The following CEP128 variants were observed in gnomAD, a reference collection of about 807,000 sequenced individuals.
CEP128 encodes the protein centrosomal protein 128kDa.
In CEP128, 132 loss-of-function variants were observed where a neutral mutation model predicts 156.7. The observed-to-expected ratio is 0.84, with a 90% CI of 0.73 to 0.97. The LOEUF is 0.97. Ranked by LOEUF, CEP128 falls within the 50% of genes least tolerant of loss-of-function variation. The probability of loss-of-function intolerance (pLI) is 0.00; values close to 1 mark genes in which losing one functional copy is unlikely to be tolerated. For missense variants in CEP128, 1,252 were observed against 1,281.9 expected (o/e 0.98, Z 0.36); for synonymous variants, 469 against 448.9 (o/e 1.04, Z -0.57).
At chr14:80,918,901 G>A (rs1356488192) in intron 2 of CEP128, among the ~76,000 whole-genome samples, 2 of 152,004 alleles carry the variant, frequency 1.3e-5, no homozygotes, top group African/African-American at 2.4e-5. Flanking sequence ...CAGATTAAGG[G>A]GTTTTTGTTT....
Position 80,840,754 on chromosome 14 carries a change from T to C in CEP128, c.777A>G (p.Gln259=). Residue 259 remains glutamine, a synonymous_variant, in exon 10 of 25, where the codon CAA becomes CAG. Coordinates refer to ENST00000555265, the MANE Select transcript of CEP128 (RefSeq NM_152446.5). ...CCTCATGCTCATCTGCTTTAGCTTCTTGTTTCTTTAGTGCCTGGAATGAAA... is the reference window on the plus strand; with the variant it reads ...CCTCATGCTCATCTGCTTTAGCTTCCTGTTTCTTTAGTGCCTGGAATGAAA... ...SLQLQEALKK[Q]EAKADEHEGA... 1.9e-6 allele frequency: 3 copies of C among 1,609,618 alleles called. No homozygotes were observed. In the African/African-American group the frequency reaches 4.0e-5, roughly 21 times the overall value.
intron 23 of CEP128, among the ~76,000 whole-genome samples, chr14:80,509,000 TAAGGACCTACTTCACATGGCACC>T (rs1340300193): frequency 6.6e-6 from 1 of 151,972 alleles, no homozygotes; most frequent in Non-Finnish European, 1.5e-5. Flanking sequence ...GAAGGGGAAG[TAAGGACCTACTTCACATGGCACC>T]AGGAGAGAGC....
chr14:80,771,485 C>T (rs1485251169), intron 16 of CEP128, among the ~76,000 whole-genome samples: 5 of 152,076 alleles, frequency 3.3e-5, no homozygotes, highest in Admixed American at 6.6e-5. Flanking sequence ...TATAAGAAAA[C>T]GATTTCAAGT....
At chr14:80,524,715 C>A (rs980675229) in intron 23 of CEP128, among the ~76,000 whole-genome samples, 1 of 152,162 alleles carries the variant, frequency 6.6e-6, no homozygotes, top group East Asian at 1.9e-4. Context: ...TATTTCAGAA[C>A]AGGAATCTGT....
intron 19 of CEP128, among the ~76,000 whole-genome samples, chr14:80,592,553 C>T (rs1030439845): frequency 6.6e-6 from 1 of 152,072 alleles, no homozygotes; most frequent in Non-Finnish European, 1.5e-5. Flanking sequence ...GATTCACAGC[C>T]GAATTCTACC....
At chr14:80,543,330 G>T (rs1889846189) in intron 21 of CEP128, among the ~76,000 whole-genome samples, 1 of 152,182 alleles carries the variant, frequency 6.6e-6, no homozygotes, top group African/African-American at 2.4e-5. Context: ...CAAAAATCCA[G>T]CTGCACTGTC....
rs1188544698 is a variant in CEP128, at chr14:80,881,617, T to A, written c.645+14101A>T. ...AATACCAAAACCAGATAAAGACACA[T>A]CAAGAAAGGAAACTACAAGCCAATA... is the stretch of plus-strand genomic sequence containing the variant. On this transcript the variant is annotated intron_variant, in intron 8 of 24. Coordinates refer to ENST00000555265, the MANE Select transcript of CEP128 (RefSeq NM_152446.5). 2.0e-5 allele frequency among the ~76,000 whole-genome samples: 3 copies of A among 151,966 alleles called. No individual in the cohort carries two copies. The Middle Eastern group carries it at 0.01, about 517-fold the overall frequency.
At chr14:80,947,561 C>G (rs565192466) in intron 2 of CEP128, among the ~76,000 whole-genome samples, 3 of 152,178 alleles carry the variant, frequency 2.0e-5, no homozygotes, top group Non-Finnish European at 4.4e-5. Flanking sequence ...CTGGGCCTTT[C>G]TGAATACAGG....
At chr14:80,717,900 G>A (rs973083923) in intron 19 of CEP128, among the ~76,000 whole-genome samples, 1 of 152,114 alleles carries the variant, frequency 6.6e-6, no homozygotes, top group Non-Finnish European at 1.5e-5. Context: ...CTGCAGCCTC[G>A]ACCTCTCAGG....
intron 19 of CEP128, among the ~76,000 whole-genome samples, chr14:80,659,811 A>C (rs1039194725): frequency 2.0e-5 from 3 of 152,122 alleles, no homozygotes; most frequent in African/African-American, 7.2e-5. Context: ...ATGACACTCA[A>C]TTTCCAAGTC....
intron 21 of CEP128, among the ~76,000 whole-genome samples, chr14:80,533,227 C>A (rs1889312053): frequency 6.6e-6 from 1 of 152,052 alleles, no homozygotes; most frequent in African/African-American, 2.4e-5. Flanking sequence ...CAATAAAATA[C>A]AAAGCAATGC....
chr14:80,499,778 T>C (rs996084517), intron 24 of CEP128, among the ~76,000 whole-genome samples: 1 of 152,222 alleles, frequency 6.6e-6, no homozygotes, highest in African/African-American at 2.4e-5. Flanking sequence ...GTTGTGTTCC[T>C]TTAGTCTAAA....
rs8011804 is a variant in CEP128, at chr14:80,564,010, C to T, written c.2857-4708G>A. ...ACTATAACTAAGGGCTCTTATAGGG[C>T]AGAAGTAAAAATGTAAAATTCTAAG... On this transcript the variant is annotated intron_variant, in intron 20 of 24. Coordinates refer to ENST00000555265, the MANE Select transcript of CEP128 (RefSeq NM_152446.5). 2.0e-3 allele frequency among the ~76,000 whole-genome samples: 305 copies of T among 152,036 alleles called. 3 individuals carry two copies. The East Asian group carries it at 0.03, about 15-fold the overall frequency.
At chr14:80,712,568 G>C (rs1361738980) in intron 19 of CEP128, among the ~76,000 whole-genome samples, 11 of 152,100 alleles carry the variant, frequency 7.2e-5, no homozygotes, top group Admixed American at 7.2e-4. Context: ...GTATTCTGGG[G>C]TCCTGAGTAC....
intron 13 of CEP128, among the ~76,000 whole-genome samples, chr14:80,814,342 T>C (rs562503395): frequency 5.3e-5 from 8 of 152,292 alleles, no homozygotes; most frequent in Admixed American, 4.6e-4. Flanking sequence ...TTTTCTGTAT[T>C]TTCTATCATT....
chr14:80,653,016 A>T (rs1431483829), intron 19 of CEP128, among the ~76,000 whole-genome samples: 20 of 152,228 alleles, frequency 1.3e-4, no homozygotes, highest in Admixed American at 1.3e-3. Context: ...GCCATAAAAA[A>T]GAGGAGTTCA....
rs143773629 is a variant in CEP128, at chr14:80,604,525, A to G, written c.2807-24102T>C. Reference sequence around the variant, plus strand: ...TGTTATCATTGCAACATCTCCTAGCATTATCTGCAATGTCCTTCCTGACCT... The same window carrying G: ...TGTTATCATTGCAACATCTCCTAGCGTTATCTGCAATGTCCTTCCTGACCT... On this transcript the variant is annotated intron_variant, in intron 19 of 24. Coordinates refer to ENST00000555265, the MANE Select transcript of CEP128 (RefSeq NM_152446.5). Among the ~76,000 whole-genome samples the G allele has an allele frequency of 2.7e-3, 414 of 152,234 alleles. 2 individuals are homozygous for G. Among genetic ancestry groups the G allele is most frequent in the African/African-American group, 9.0e-3 (375 of 41,562 alleles).
intron 21 of CEP128, among the ~76,000 whole-genome samples, chr14:80,543,326 T>G (rs1009266365): frequency 6.6e-6 from 1 of 152,190 alleles, no homozygotes; most frequent in African/African-American, 2.4e-5. Flanking sequence ...CCTTCAAAAA[T>G]CCAGCTGCAC....
chr14:80,529,255 T>C (rs1256879198), intron 22 of CEP128, among the ~76,000 whole-genome samples: 1 of 152,188 alleles, frequency 6.6e-6, no homozygotes, highest in Non-Finnish European at 1.5e-5. Context: ...CTCTTTCCCT[T>C]TTCAAGCTAA....
Sources: allele counts gnomAD v4.1 joint callset (sites outside exome capture counted in the v4.1 genomes callset), GRCh38; gene constraint gnomAD v4.1.1; transcripts MANE v1.5; gene names NCBI Gene and HGNC (gene_info 2026-07-23, HGNC 2026-07-21).